CCKAR: variants seen among roughly 807,000 people sequenced by gnomAD.
CCKAR encodes the protein cholecystokinin A receptor, also known as cholecystokinin receptor type A.
CCKAR carries 21 observed loss-of-function variants against 29.8 expected under a neutral mutation model. That is an observed-to-expected ratio of 0.70 (90% CI 0.50 to 1.01). CCKAR has a LOEUF of 1.01. Ranked by LOEUF, CCKAR falls within the 50% of genes least tolerant of loss-of-function variation. The pLI, the probability that CCKAR is intolerant of heterozygous loss-of-function variation, is 0.00. For synonymous variants in CCKAR, 238 were observed against 221.3 expected (o/e 1.08, Z -0.67); for missense variants, 570 against 560.6 (o/e 1.02, Z -0.17).
At chr4:26,484,002 C>G (rs190173933) in intron 3 of CCKAR, among the ~76,000 whole-genome samples, 1 of 152,234 alleles carries the variant, frequency 6.6e-6, no homozygotes, top group Non-Finnish European at 1.5e-5. Context: ...CAAACATTTA[C>G]GTGGGCGTCC....
At position 26,489,612 on chromosome 4, in the gene CCKAR, C is replaced by G. The variant is rs923533538; in HGVS notation, c.113-128G>C. 36 of 955,546 alleles carry G rather than the reference C, an allele frequency of 3.8e-5. No individual in the cohort carries two copies. In the African/African-American group the frequency reaches 4.3e-4, roughly 11 times the overall value. The allele number at this position is 955,546 out of a possible 1,614,324, so 59.2% of individuals were successfully genotyped here. A position where few individuals can be genotyped will look rare whatever the true frequency, so the allele number is the denominator to read the frequency against. On this transcript the variant is annotated intron_variant, in intron 1 of 4. Coordinates refer to ENST00000295589, the MANE Select transcript of CCKAR (RefSeq NM_000730.3). Reference sequence around the variant, plus strand: ...GGTGTACATCACTGGACCCACGATTCCTGTCCTGGCAACATTTTGCGGAAA... The same window carrying G: ...GGTGTACATCACTGGACCCACGATTGCTGTCCTGGCAACATTTTGCGGAAA...
chr4:26,488,075 A>C (rs1489681232), intron 2 of CCKAR, among the ~76,000 whole-genome samples: 1 of 152,110 alleles, frequency 6.6e-6, no homozygotes, highest in Admixed American at 6.5e-5. Flanking sequence ...GTCATTGAAG[A>C]CTGCCCTAGC....
At chr4:26,489,689 G>A (rs74712870) in intron 1 of CCKAR, among the ~76,000 whole-genome samples, 18,106 of 152,272 alleles carry the variant, frequency 0.12, 1,353 homozygotes, top group Non-Finnish European at 0.17. Context: ...AGGTTGGTTT[G>A]TTAAAGGATC....
chr4:26,484,182 G>C (rs902290572), intron 3 of CCKAR, among the ~76,000 whole-genome samples: 1 of 152,158 alleles, frequency 6.6e-6, no homozygotes, highest in Non-Finnish European at 1.5e-5. Context: ...GAGGTTACAC[G>C]ATTAGGCCAT....
rs192757400 is a variant in CCKAR, at chr4:26,488,294, A to G, written c.364+939T>C. 7.9e-5 allele frequency among the ~76,000 whole-genome samples: 12 copies of G among 152,240 alleles called. No individual in the cohort carries two copies. In the East Asian group the frequency reaches 1.5e-3, roughly 20 times the overall value. On this transcript the variant is annotated intron_variant, in intron 2 of 4. Coordinates refer to ENST00000295589, the MANE Select transcript of CCKAR (RefSeq NM_000730.3). Reference sequence around the variant, plus strand: ...GGCAAACTGAGGTATCATGCTCACCATTGTGTGGCTACAAATCTGGACTCA... The same window carrying G: ...GGCAAACTGAGGTATCATGCTCACCGTTGTGTGGCTACAAATCTGGACTCA...
chr4:26,489,507 G>A lies in CCKAR; in HGVS notation c.113-23C>T, dbSNP rs748643681. ...ACTCTGCAGAGAGAAACAGGAGCAA[G>A]ACGGAGGGATGGAGGTGATGACAGC... On this transcript the variant is annotated intron_variant, in intron 1 of 4. Transcript: ENST00000295589. 9 of 1,611,058 alleles carry A rather than the reference G, an allele frequency of 5.6e-6. No individual in the cohort carries two copies. In the African/African-American group the frequency reaches 1.1e-4, roughly 19 times the overall value.
At chr4:26,484,912 C>G (rs1458747514) in intron 3 of CCKAR, among the ~76,000 whole-genome samples, 1 of 145,612 alleles carries the variant, frequency 6.9e-6, no homozygotes, top group African/African-American at 2.7e-5. Flanking sequence ...TAAAAGAAGG[C>G]CGGGCGCGGT....
In CCKAR at chr4:26,490,262, A is replaced by T; in HGVS notation, c.6T>A (p.Asp2Glu). ...CATTCACAAGAAGGCTGTCAACCACATCCATCCTTGCCTGCTGCTTTCCAC... is the reference window on the plus strand; with the variant it reads ...CATTCACAAGAAGGCTGTCAACCACTTCCATCCTTGCCTGCTGCTTTCCAC... M[D>E]VVDSLLVNGS... Residue 2 changes from aspartate to glutamate, a missense_variant, in exon 1 of 5, where the codon GAT (aspartate) becomes GAA (glutamate). Coordinates refer to ENST00000295589, the MANE Select transcript of CCKAR (RefSeq NM_000730.3). 2 of 1,605,548 alleles carry T rather than the reference A, an allele frequency of 1.2e-6. No individual in the cohort carries two copies. The highest frequency in any genetic ancestry group is 1.7e-6 in the Non-Finnish European group (2 of 1,172,438).
intron 1 of CCKAR, 43 bp downstream of exon 1, chr4:26,490,113 C>G: frequency 7.7e-7 from 1 of 1,301,942 alleles, no homozygotes; most frequent in South Asian, 1.2e-5. Flanking sequence ...TCTCCCACAA[C>G]TCAATAGTTT....
At position 26,481,615 on chromosome 4, in the gene CCKAR, G is replaced by A. The variant is rs768790287; in HGVS notation, c.*23C>T. 68 of 1,612,560 alleles carry A rather than the reference G, an allele frequency of 4.2e-5. No individual in the cohort carries two copies. Among genetic ancestry groups the A allele is most frequent in the Middle Eastern group, 1.6e-4 (1 of 6,078 alleles). ...TCTGCCTCCTCCCTGCCTTCCTTCTGCGGTGGAGGGTCAGGGGACATCTCA... is the reference window on the plus strand; with the variant it reads ...TCTGCCTCCTCCCTGCCTTCCTTCTACGGTGGAGGGTCAGGGGACATCTCA... On this transcript the variant is annotated 3_prime_UTR_variant, in exon 5 of 5. Transcript: ENST00000295589.
chr4:26,489,605 CA>C, intron 1 of CCKAR, 121 bp from the exon 2 acceptor site: 1 of 1,053,102 alleles, frequency 9.5e-7, no homozygotes, highest in South Asian at 1.6e-5. Flanking sequence ...TCACTGGACC[CA>C]CGATTCCTGT....
chr4:26,488,390 C>G (rs1737488746), intron 2 of CCKAR, among the ~76,000 whole-genome samples: 1 of 152,182 alleles, frequency 6.6e-6, no homozygotes, highest in Non-Finnish European at 1.5e-5. Flanking sequence ...CCTCTGTTTC[C>G]TCCTTAGGGA....
chr4:26,482,754 C>A (rs1460091983), intron 4 of CCKAR, among the ~76,000 whole-genome samples: 2 of 152,148 alleles, frequency 1.3e-5, no homozygotes, highest in Admixed American at 6.5e-5. Context: ...GAGGAGGAGA[C>A]AACAAAAAGC....
At position 26,481,527 on chromosome 4, in the gene CCKAR, G is replaced by A; in HGVS notation, c.*111C>T. On this transcript the variant is annotated 3_prime_UTR_variant, in exon 5 of 5. Transcript: ENST00000295589. ...CCTTGAAGAGTTCCCACTGGAGATG[G>A]AGCCTTCCTTCTCCATCAGCTCTGC... 1 of 1,185,096 alleles carries A rather than the reference G, an allele frequency of 8.4e-7. No homozygotes were observed. Among genetic ancestry groups the A allele is most frequent in the South Asian group, 1.3e-5 (1 of 74,316 alleles). 73.4% of individuals were successfully genotyped at this position (1,185,096 alleles called of 1,614,324 possible).
chr4:26,485,942 CAA>C (rs1003957531), intron 2 of CCKAR, 44 bp from the exon 3 acceptor site: 24 of 1,586,258 alleles, frequency 1.5e-5, no homozygotes, highest in Non-Finnish European at 2.0e-5. Flanking sequence ...CTCTGAAATC[CAA>C]AGTTTATTTG....
chr4:26,483,260 A>C lies in CCKAR; in HGVS notation c.650T>G (p.Leu217Arg). 6.2e-7 allele frequency: 1 copy of C among 1,613,794 alleles called. No homozygotes were observed. Among genetic ancestry groups the C allele is most frequent in the Non-Finnish European group, 8.5e-7 (1 of 1,179,912 alleles). Residue 217 changes from leucine (L) to arginine (R), a missense_variant, in exon 4 of 5, where the codon CTC becomes CGC. Physicochemically the swap from Leu to Arg is moderately radical, Grantham distance 102. Transcript: ENST00000295589. ...CATCACAATTCCAGGAATAAGAAAG[A>C]GGATGAGTAACAGGAATGTGTGCCT... is the stretch of plus-strand genomic sequence containing the variant. ...QSWHTFLLLI[L>R]FLIPGIVMMV...
At position 26,489,314 on chromosome 4, in the gene CCKAR, T is replaced by C. The variant is rs201160066; in HGVS notation, c.283A>G (p.Met95Val). 6.2e-7 allele frequency: 1 copy of C among 1,614,134 alleles called. No individual in the cohort carries two copies. Among genetic ancestry groups the C allele is most frequent in the Non-Finnish European group, 8.5e-7 (1 of 1,180,036 alleles). ...AGATTGGGGATGAGGTTGAACGGCATGCAGAAGAGACAGAGCATGAGGTCG... is the reference window on the plus strand; with the variant it reads ...AGATTGGGGATGAGGTTGAACGGCACGCAGAAGAGACAGAGCATGAGGTCG... ...VSDLMLCLFC[M>V]PFNLIPNLLK... Residue 95 changes from methionine to valine, a missense_variant, in exon 2 of 5, where the codon ATG becomes GTG. Physicochemically the swap from Met to Val is conservative, Grantham distance 21 (BLOSUM62 1). Transcript: ENST00000295589.
Position 26,485,876 on chromosome 4 carries a change from G to C in CCKAR, c.387C>G (p.Thr129=). 1 of 1,613,680 alleles carries C rather than the reference G, an allele frequency of 6.2e-7. No individual in the cohort carries two copies. The highest frequency in any genetic ancestry group is 2.2e-5 in the East Asian group (1 of 44,866). The change falls in exon 3 of 5, where the codon ACC becomes ACG. Residue 129 remains threonine (T), a synonymous_variant. Coordinates refer to ENST00000295589, the MANE Select transcript of CCKAR (RefSeq NM_000730.3). The part of the protein sequence containing the change: ...YFMGTSVSVS[T]FNLVAISLER... Reference sequence around the variant, plus strand: ...CTAGAGATATGGCTACCAGATTAAAGGTAGATACACTCACAGAGGTGCCTG... The same window carrying C: ...CTAGAGATATGGCTACCAGATTAAACGTAGATACACTCACAGAGGTGCCTG...
chr4:26,483,264 T>C lies in CCKAR; in HGVS notation c.646A>G (p.Ile216Val). The change falls in exon 4 of 5, where the codon ATC (isoleucine) becomes GTC (valine). Residue 216 changes from isoleucine (I) to valine (V), a missense_variant. Physicochemically the swap from Ile to Val is conservative, Grantham distance 29. Transcript: ENST00000295589. ...ACAATTCCAGGAATAAGAAAGAGGA[T>C]GAGTAACAGGAATGTGTGCCTAATG... ...QQSWHTFLLL[I>V]LFLIPGIVMM... is the part of the protein sequence containing the mutation. The C allele has an allele frequency of 1.2e-6, 2 of 1,613,702 alleles. No homozygotes were observed. The highest frequency in any genetic ancestry group is 1.1e-5 in the South Asian group (1 of 90,980).
Sources: allele counts gnomAD v4.1 joint callset (sites outside exome capture counted in the v4.1 genomes callset), GRCh38; gene constraint gnomAD v4.1.1; transcripts MANE v1.5; gene names NCBI Gene and HGNC (gene_info 2026-07-23, HGNC 2026-07-21).